LRP1B: variants seen among roughly 807,000 people sequenced by gnomAD.
LRP1B encodes the protein LDL receptor related protein 1B, also known as low-density lipoprotein receptor-related protein 1B.
LRP1B carries 217 observed loss-of-function variants against 556.6 expected under a neutral mutation model. The ratio of observed to expected loss-of-function variants is 0.39; its 90% CI spans 0.35 to 0.44. The LOEUF is 0.44. Among genes scored for constraint, LRP1B ranks in the 20% least tolerant of loss-of-function variants. The probability of loss-of-function intolerance (pLI) is 1.00; values close to 1 mark genes in which losing one functional copy is unlikely to be tolerated. For missense variants in LRP1B, 5,053 were observed against 5,620.8 expected, an observed-to-expected ratio of 0.90 and a Z score of 3.23; for synonymous variants, 2,047 against 1,865.8, an observed-to-expected ratio of 1.10 and a Z score of -2.50.
intron 41 of LRP1B, among the ~76,000 whole-genome samples, chr2:140,621,866 T>A (rs969668446): frequency 2.0e-5 from 3 of 152,242 alleles, no homozygotes; most frequent in Non-Finnish European, 2.9e-5. Context: ...GTCATGCTGA[T>A]CTTCATCTGA....
chr2:140,879,681 C>A (rs553551770), intron 25 of LRP1B, among the ~76,000 whole-genome samples: 62 of 151,948 alleles, frequency 4.1e-4, no homozygotes, highest in African/African-American at 1.4e-3. Flanking sequence ...GGTTAAAATG[C>A]ATTAGCATTT....
Position 141,379,849 on chromosome 2 carries a change from A to G in LRP1B, c.343+100547T>C, listed in dbSNP as rs1689573628. On this transcript the variant is annotated intron_variant, in intron 3 of 90. Coordinates refer to ENST00000389484, the MANE Select transcript of LRP1B (RefSeq NM_018557.3). ...ACAGAATGAGCAAGCAATAAAGCCA[A>G]GCTCCTAGATTCTCCATGAAAGGGA... Among the ~76,000 whole-genome samples the G allele has an allele frequency of 2.0e-5, 3 of 152,152 alleles. No individual in the cohort carries two copies. In the South Asian group the frequency reaches 6.2e-4, roughly 31 times the overall value.
At chr2:141,843,915 G>T (rs1426764373) in intron 1 of LRP1B, among the ~76,000 whole-genome samples, 1 of 151,944 alleles carries the variant, frequency 6.6e-6, no homozygotes, top group Non-Finnish European at 1.5e-5. Flanking sequence ...TTTACCCAGG[G>T]AACCATAACA....
At chr2:140,358,141 T>C (rs778670609) in intron 73 of LRP1B, 25 bp from the exon 74 acceptor site, 3 of 1,604,196 alleles carry the variant, frequency 1.9e-6, no homozygotes, top group Non-Finnish European at 2.6e-6. Flanking sequence ...AAAAAATGAT[T>C]AGTGCTTCAC....
intron 1 of LRP1B, among the ~76,000 whole-genome samples, chr2:141,813,080 A>G (rs1039805021): frequency 6.6e-6 from 1 of 152,194 alleles, no homozygotes; most frequent in African/African-American, 2.4e-5. Context: ...ACCACCTCAC[A>G]TCAATGTGTT....
intron 50 of LRP1B, among the ~76,000 whole-genome samples, chr2:140,516,278 C>T (rs184346401): frequency 2.6e-5 from 4 of 151,810 alleles, no homozygotes; most frequent in African/African-American, 9.7e-5. Flanking sequence ...TAAATAATAA[C>T]AATACAAGAA....
intron 43 of LRP1B, among the ~76,000 whole-genome samples, chr2:140,562,953 A>T (rs751930447): frequency 6.6e-6 from 1 of 152,182 alleles, no homozygotes; most frequent in Non-Finnish European, 1.5e-5. Context: ...GTAAAATTAA[A>T]TAAAAAAATT....
intron 31 of LRP1B, among the ~76,000 whole-genome samples, chr2:140,838,747 G>T (rs1692002673): frequency 6.6e-6 from 1 of 151,882 alleles, no homozygotes; most frequent in Non-Finnish European, 1.5e-5. Context: ...CAAAATTGAG[G>T]CTTACTAAAT....
rs190616579 is a variant in LRP1B at position 142,043,107 on chromosome 2, A to G, written c.82+87541T>C. 3.3e-5 allele frequency among the ~76,000 whole-genome samples: 5 copies of G among 151,694 alleles called. No individual in the cohort carries two copies. In the East Asian group the frequency reaches 9.7e-4, roughly 30 times the overall value. On this transcript the variant is annotated intron_variant, in intron 1 of 90. Coordinates refer to ENST00000389484, the MANE Select transcript of LRP1B (RefSeq NM_018557.3). The stretch of plus-strand genomic sequence containing the variant: ...CTAATCATAATCTGTCAAAAACTAT[A>G]TCTTGAATTTTCCTTGATGCCCACT...
chr2:140,917,710 G>T (rs1430253329), intron 21 of LRP1B, among the ~76,000 whole-genome samples: 1 of 152,068 alleles, frequency 6.6e-6, no homozygotes. Flanking sequence ...AACAGGCAGG[G>T]TACGAAAGAT....
chr2:141,018,871 T>C (rs1347744366), intron 12 of LRP1B, among the ~76,000 whole-genome samples: 1 of 152,078 alleles, frequency 6.6e-6, no homozygotes, highest in Non-Finnish European at 1.5e-5. Context: ...CTGGTTGTAT[T>C]TGGAGCTACT....
In LRP1B at chr2:140,701,855, A is replaced by T. The variant is rs750665750; in HGVS notation, c.6303-10T>A. On this transcript the variant is annotated splice_polypyrimidine_tract_variant and intron_variant, in intron 39 of 90. Transcript: ENST00000389484. ...CCCGTTTGCATGTGCTCTGCCAAAA[A>T]GTTGAACATACATGATCAACAATCT... 2 of 1,612,684 alleles carry T rather than the reference A, an allele frequency of 1.2e-6. No homozygotes were observed. Among genetic ancestry groups the T allele is most frequent in the Admixed American group, 3.3e-5 (2 of 59,796 alleles).
intron 2 of LRP1B, among the ~76,000 whole-genome samples, chr2:141,491,771 C>T (rs895734955): frequency 1.2e-4 from 18 of 152,092 alleles, no homozygotes; most frequent in African/African-American, 4.3e-4. Flanking sequence ...TTAGAGATTG[C>T]CTCTGAGCCA....
rs183125695 is a variant in LRP1B, at chr2:141,660,071, T to G, written c.205+150208A>C. Among the ~76,000 whole-genome samples the G allele has an allele frequency of 1.4e-3, 206 of 147,438 alleles. 1 individual carries two copies. The highest frequency in any genetic ancestry group is 5.0e-3 in the African/African-American group (198 of 39,806). On this transcript the variant is annotated intron_variant, in intron 2 of 90. Transcript: ENST00000389484. ...CAACGAGAGACAGCTGCAGTCGGAG[T>G]CTCCCACCAAGAAGAAGGGAGAATG...
At chr2:141,218,288 A>G (rs766612527) in intron 6 of LRP1B, among the ~76,000 whole-genome samples, 2 of 152,228 alleles carry the variant, frequency 1.3e-5, no homozygotes, top group Non-Finnish European at 2.9e-5. Context: ...TACTAGGTAT[A>G]TACACAAAGG....
At chr2:140,710,501 A>G (rs993413713) in intron 37 of LRP1B, among the ~76,000 whole-genome samples, 1 of 152,024 alleles carries the variant, frequency 6.6e-6, no homozygotes, top group Non-Finnish European at 1.5e-5. Context: ...TATTTATTAT[A>G]TTTTTATATT....
chr2:141,062,090 A>G lies in LRP1B; in HGVS notation c.1197T>C (p.Tyr399=), dbSNP rs2105468133. ...TGACAGTGTGTCTATTTTTTCCTTG[A>G]TAGTCCACTACTCCCACATAGTCCA... ...LYLDYVGVVD[Y]QGKNRHTVIQ... Residue 399 remains tyrosine, a synonymous_variant, in exon 8 of 91, where the codon TAT becomes TAC. Transcript: ENST00000389484. 3 of 1,611,826 alleles carry G rather than the reference A, an allele frequency of 1.9e-6. No individual in the cohort carries two copies. Among genetic ancestry groups the G allele is most frequent in the Non-Finnish European group, 2.5e-6 (3 of 1,178,582 alleles).
At chr2:141,113,361 TA>T (rs938209625) in intron 7 of LRP1B, among the ~76,000 whole-genome samples, 4 of 151,878 alleles carry the variant, frequency 2.6e-5, no homozygotes, top group African/African-American at 7.3e-5. Context: ...AAATAAGCAA[TA>T]AAAAAAATGA....
chr2:140,884,301 CA>C (rs142408779), intron 24 of LRP1B, among the ~76,000 whole-genome samples: 1 of 150,054 alleles, frequency 6.7e-6, no homozygotes, highest in South Asian at 2.1e-4. Context: ...GTTGAGGTTG[CA>C]AAAAAAAAGT....
Sources: allele counts gnomAD v4.1 joint callset (sites outside exome capture counted in the v4.1 genomes callset), GRCh38; gene constraint gnomAD v4.1.1; transcripts MANE v1.5; gene names NCBI Gene and HGNC (gene_info 2026-07-23, HGNC 2026-07-21).